Variants in KCNIP4 observed in about 807,000 individuals in gnomAD.
The protein encoded by KCNIP4 is potassium voltage-gated channel interacting protein 4, also known as Kv channel-interacting protein 4.
Under a neutral mutation model 34.0 loss-of-function variants are expected in KCNIP4, and 12 were observed. The observed-to-expected ratio is 0.35, with a 90% CI of 0.23 to 0.57. The LOEUF (loss-of-function observed/expected upper bound fraction) is 0.57. KCNIP4 is among the 20% of genes least tolerant of loss of function. The pLI is 0.83. For missense variants in KCNIP4, 238 were observed against 311.7 expected, an observed-to-expected ratio of 0.76 and a Z score of 1.78; for synonymous variants, 124 against 102.2, an observed-to-expected ratio of 1.21 and a Z score of -1.29.
intron 1 of KCNIP4, among the ~76,000 whole-genome samples, chr4:21,522,815 G>C (rs1735653178): frequency 6.6e-6 from 1 of 151,974 alleles, no homozygotes; most frequent in African/African-American, 2.4e-5. Context: ...GATTAAATAA[G>C]TTGATATTTG....
chr4:21,283,655 AG>A (rs985155541), intron 1 of KCNIP4, among the ~76,000 whole-genome samples: 2 of 83,352 alleles, frequency 2.4e-5, no homozygotes, highest in East Asian at 8.9e-4. Context: ...TTTCATGGGG[AG>A]GGGGGAGGGG....
chr4:21,914,494 T>A (rs1271781523), intron 1 of KCNIP4, among the ~76,000 whole-genome samples: 2 of 152,116 alleles, frequency 1.3e-5, no homozygotes, highest in Non-Finnish European at 2.9e-5. Context: ...CCAGGCTCCT[T>A]CTCAGCTCAT....
intron 1 of KCNIP4, among the ~76,000 whole-genome samples, chr4:21,575,026 T>G: frequency 6.6e-6 from 1 of 152,228 alleles, no homozygotes; most frequent in Non-Finnish European, 1.5e-5. Context: ...TATATATGAC[T>G]GTTTTTAAAA....
At chr4:21,474,526 C>T (rs1263047372) in intron 1 of KCNIP4, among the ~76,000 whole-genome samples, 2 of 152,094 alleles carry the variant, frequency 1.3e-5, no homozygotes, top group Non-Finnish European at 1.5e-5. Flanking sequence ...GAAAGTCTCC[C>T]TACTCTCCCT....
chr4:21,911,381 T>C (rs1224037787), intron 1 of KCNIP4, among the ~76,000 whole-genome samples: 1 of 152,114 alleles, frequency 6.6e-6, no homozygotes, highest in Non-Finnish European at 1.5e-5. Context: ...GGTTAGAAGA[T>C]TCTCTCATTT....
intron 1 of KCNIP4, among the ~76,000 whole-genome samples, chr4:21,790,230 T>C (rs1030821744): frequency 1.3e-5 from 2 of 152,226 alleles, no homozygotes; most frequent in African/African-American, 4.8e-5. Flanking sequence ...CTCATTTTCA[T>C]AGGAAATAGC....
chr4:21,667,141 T>C (rs1749037556), intron 1 of KCNIP4, among the ~76,000 whole-genome samples: 1 of 152,164 alleles, frequency 6.6e-6, no homozygotes, highest in Non-Finnish European at 1.5e-5. Flanking sequence ...TCAAACAATT[T>C]TGCCCATGAC....
intron 1 of KCNIP4, among the ~76,000 whole-genome samples, chr4:21,595,787 A>C (rs1268486538): frequency 2.0e-5 from 3 of 152,132 alleles, no homozygotes; most frequent in African/African-American, 7.2e-5. Flanking sequence ...ACTTTTGCAC[A>C]AACCTAAATA....
At chr4:21,107,210 C>T (rs1321673367) in intron 1 of KCNIP4, among the ~76,000 whole-genome samples, 1 of 147,026 alleles carries the variant, frequency 6.8e-6, no homozygotes, top group Admixed American at 6.7e-5. Context: ...TTAAAGTCTC[C>T]CATTTTTATT....
At chr4:21,155,817 G>A (rs995779368) in intron 1 of KCNIP4, among the ~76,000 whole-genome samples, 1 of 152,086 alleles carries the variant, frequency 6.6e-6, no homozygotes, top group African/African-American at 2.4e-5. Context: ...GGCAGAGGAG[G>A]GAAGAGTTGG....
chr4:21,610,934 C>T (rs1744111012), intron 1 of KCNIP4, among the ~76,000 whole-genome samples: 1 of 152,046 alleles, frequency 6.6e-6, no homozygotes, highest in Non-Finnish European at 1.5e-5. Context: ...TCATCATCTA[C>T]ATTAGATATT....
chr4:20,914,955 T>C (rs1013882984), intron 1 of KCNIP4, among the ~76,000 whole-genome samples: 5 of 152,198 alleles, frequency 3.3e-5, no homozygotes, highest in African/African-American at 1.2e-4. Flanking sequence ...AGACAGTAGT[T>C]CTGTGAAAAG....
At chr4:21,396,557 A>AAAAATAAAAAAAT (rs1723021233) in intron 1 of KCNIP4, among the ~76,000 whole-genome samples, 2 of 149,202 alleles carry the variant, frequency 1.3e-5, no homozygotes, top group Non-Finnish European at 3.0e-5. Flanking sequence ...TCCAAAAAAA[A>AAAAATAAAAAAAT]AAAAAAAAAA....
intron 1 of KCNIP4, among the ~76,000 whole-genome samples, chr4:21,076,118 G>A (rs1425731484): frequency 1.3e-5 from 2 of 152,044 alleles, no homozygotes; most frequent in African/African-American, 4.8e-5. Flanking sequence ...TATGTGTCTT[G>A]GAGTTGCTCT....
chr4:21,515,482 C>T (rs1286436065), intron 1 of KCNIP4, among the ~76,000 whole-genome samples: 11 of 151,788 alleles, frequency 7.2e-5, no homozygotes, highest in South Asian at 6.2e-4. Flanking sequence ...ACTAAAAATA[C>T]AAAAAAATTA....
At chr4:21,324,056 A>G (rs1357469942) in intron 1 of KCNIP4, among the ~76,000 whole-genome samples, 1 of 152,040 alleles carries the variant, frequency 6.6e-6, no homozygotes, top group Non-Finnish European at 1.5e-5. Flanking sequence ...CTTTTGAGAA[A>G]TATCTACTCA....
Position 21,348,608 on chromosome 4 carries a change from A to C in KCNIP4, c.62-465899T>G, listed in dbSNP as rs75222950. Among the ~76,000 whole-genome samples, 517 of 152,342 alleles carry C rather than the reference A, an allele frequency of 3.4e-3. 3 individuals are homozygous for C. The highest frequency in any genetic ancestry group is 0.011 in the African/African-American group (477 of 41,580). ...CAACCTTAAACCAAACCATCTTAAT[A>C]TAGAACTGTTTAAATAGCAAAAATT... On this transcript the variant is annotated intron_variant, in intron 1 of 8. Transcript: ENST00000382152.
chr4:21,141,714 T>G (rs1323767493), intron 1 of KCNIP4, among the ~76,000 whole-genome samples: 2 of 152,248 alleles, frequency 1.3e-5, no homozygotes, highest in African/African-American at 2.4e-5. Context: ...TCTGTGAAAA[T>G]ATTTCAATGT....
intron 1 of KCNIP4, among the ~76,000 whole-genome samples, chr4:21,423,484 C>T (rs780774751): frequency 6.6e-6 from 1 of 152,174 alleles, no homozygotes; most frequent in Admixed American, 6.5e-5. Context: ...CACAAAGAAG[C>T]TGCCTTCTAT....
Sources: allele counts gnomAD v4.1 joint callset (sites outside exome capture counted in the v4.1 genomes callset), GRCh38; gene constraint gnomAD v4.1.1; transcripts MANE v1.5; gene names NCBI Gene and HGNC (gene_info 2026-07-23, HGNC 2026-07-21).